Variants in ARL14EPL observed in about 807,000 individuals in gnomAD.
The protein encoded by ARL14EPL is ARF like GTPase 14 effector protein like.
Under a neutral mutation model 15.9 loss-of-function variants are expected in ARL14EPL, and 17 were observed. The ratio of observed to expected loss-of-function variants is 1.07; its 90% CI spans 0.73 to 1.60. The LOEUF (loss-of-function observed/expected upper bound fraction) is 1.60. Among genes scored for constraint, ARL14EPL ranks in the 40% most tolerant of loss-of-function variants. The pLI is 0.00. For synonymous variants in ARL14EPL, 78 were observed against 63.8 expected, an observed-to-expected ratio of 1.22 and a Z score of -1.06; for missense variants, 214 against 185.9, an observed-to-expected ratio of 1.15 and a Z score of -0.88.
rs1404403639 is a variant in ARL14EPL at position 116,058,059 on chromosome 5, T to C, written c.237-666T>C. ...CAGAGACAGTCTGGACTCTGGGCTC[T>C]CCTCTGGGACAGAGCATCCCACCTT... On this transcript the variant is annotated intron_variant, in intron 3 of 3. Coordinates refer to ENST00000686077, the MANE Select transcript of ARL14EPL (RefSeq NM_001195581.2). Among the ~76,000 whole-genome samples, 36 of 152,236 alleles carry C rather than the reference T, an allele frequency of 2.4e-4. 1 individual carries two copies. The highest frequency in any genetic ancestry group is 2.4e-3 in the Admixed American group (36 of 15,286).
At chr5:116,038,256 T>C (rs1038375192) in intron 1 of ARL14EPL, among the ~76,000 whole-genome samples, 3 of 152,216 alleles carry the variant, frequency 2.0e-5, no homozygotes, top group African/African-American at 7.2e-5. Flanking sequence ...AAGAGTCATA[T>C]AGATCCTGCC....
intron 2 of ARL14EPL, among the ~76,000 whole-genome samples, chr5:116,053,524 G>C (rs1365207122): frequency 6.6e-6 from 1 of 152,170 alleles, no homozygotes; most frequent in East Asian, 1.9e-4. Context: ...CCGCGTGGAG[G>C]CCAGTCCCGG....
Position 116,054,075 on chromosome 5 carries a change from A to T in ARL14EPL, c.158A>T (p.Asp53Val), listed in dbSNP as rs1749458009. The change falls in exon 3 of 4, where the codon GAC (aspartate) becomes GTC (valine). Residue 53 changes from aspartate (D) to valine (V), a missense_variant. Physicochemically the swap from Asp to Val is radical, Grantham distance 152. Transcript: ENST00000686077. ...CGAAACCCTGGACCACAGGTAGCAG[A>T]CTTTAATCCTGAAACAAGGCAGCAG... The part of the protein sequence containing the change: ...AFRNPGPQVA[D>V]FNPETRQQKK... 6.5e-7 allele frequency: 1 copy of T among 1,535,750 alleles called. No homozygotes were observed. The highest frequency in any genetic ancestry group is 8.7e-7 in the Non-Finnish European group (1 of 1,146,746).
In ARL14EPL at chr5:116,035,084, G is replaced by A. The variant is rs148204991; in HGVS notation, c.-10+2579G>A. Among the ~76,000 whole-genome samples the A allele has an allele frequency of 1.3e-3, 194 of 152,206 alleles. 1 individual carries two copies. Among genetic ancestry groups the A allele is most frequent in the African/African-American group, 4.3e-3 (179 of 41,516 alleles). Reference sequence around the variant, plus strand: ...ATGCTTGCACTTGAGCCTTGGCAAGGCTCTGAATTCAACTTGCATTGTAAT... The same window carrying A: ...ATGCTTGCACTTGAGCCTTGGCAAGACTCTGAATTCAACTTGCATTGTAAT... On this transcript the variant is annotated intron_variant, in intron 1 of 3. Coordinates refer to ENST00000686077, the MANE Select transcript of ARL14EPL (RefSeq NM_001195581.2).
chr5:116,054,269 C>G (rs1275267874), intron 3 of ARL14EPL, 116 bp downstream of exon 3: 62 of 1,173,498 alleles, frequency 5.3e-5, no homozygotes, highest in Non-Finnish European at 6.8e-5. Context: ...AATATCTCCT[C>G]TGAAATATAA....
rs12187271 is a variant in ARL14EPL, at chr5:116,046,094, C to A, written c.-9-5363C>A. Reference sequence around the variant, plus strand: ...ACTCACCTGTCAATTATCTCAGCGACCTATAAATTTAGCAAGTATAGGAAC... The same window carrying A: ...ACTCACCTGTCAATTATCTCAGCGAACTATAAATTTAGCAAGTATAGGAAC... On this transcript the variant is annotated intron_variant, in intron 1 of 3. Coordinates refer to ENST00000686077, the MANE Select transcript of ARL14EPL (RefSeq NM_001195581.2). 1.8e-3 allele frequency among the ~76,000 whole-genome samples: 277 copies of A among 152,178 alleles called. 2 individuals are homozygous for A. The highest frequency in any genetic ancestry group is 6.8e-3 in the Middle Eastern group (2 of 294).
chr5:116,048,665 C>A (rs1326013110), intron 1 of ARL14EPL, among the ~76,000 whole-genome samples: 3 of 152,032 alleles, frequency 2.0e-5, no homozygotes, highest in Non-Finnish European at 4.4e-5. Context: ...AAAACTTTGA[C>A]ATCTACGGCA....
chr5:116,055,939 T>C (rs1749506645), intron 3 of ARL14EPL, among the ~76,000 whole-genome samples: 1 of 152,218 alleles, frequency 6.6e-6, no homozygotes, highest in Admixed American at 6.5e-5. Flanking sequence ...AGAATGATAG[T>C]TTCCAACTTC....
At chr5:116,041,224 A>G (rs569834533) in intron 1 of ARL14EPL, among the ~76,000 whole-genome samples, 5 of 152,120 alleles carry the variant, frequency 3.3e-5, no homozygotes, top group Non-Finnish European at 7.4e-5. Flanking sequence ...TGTCTATTAC[A>G]TTCTATTCTA....
Position 116,059,437 on chromosome 5 carries a change from C to G in ARL14EPL, c.*490C>G, listed in dbSNP as rs1190285731. On this transcript the variant is annotated 3_prime_UTR_variant, in exon 4 of 4. Transcript: ENST00000686077. ...TGACTTTGCACTGTATACCCATAGC[C>G]TCATTTTTTTATTGTTCATGTTTTA... 6.6e-6 allele frequency: 1 copy of G among 152,670 alleles called. No homozygotes were observed. Among genetic ancestry groups the G allele is most frequent in the Admixed American group, 6.5e-5 (1 of 15,362 alleles). 9.5% of individuals were successfully genotyped at this position (152,670 alleles called of 1,614,324 possible). A position where few individuals can be genotyped will look rare whatever the true frequency, so the allele number is the denominator to read the frequency against.
At chr5:116,057,275 G>A (rs189382145) in intron 3 of ARL14EPL, among the ~76,000 whole-genome samples, 1 of 152,276 alleles carries the variant, frequency 6.6e-6, no homozygotes, top group Non-Finnish European at 1.5e-5. Flanking sequence ...GGATGCAATG[G>A]GTGGGGATTG....
At chr5:116,049,075 A>G (rs146468952) in intron 1 of ARL14EPL, among the ~76,000 whole-genome samples, 1 of 152,314 alleles carries the variant, frequency 6.6e-6, no homozygotes, top group African/African-American at 2.4e-5. Context: ...ATCAAGGAGC[A>G]TGCTTTCACA....
chr5:116,040,051 G>A (rs151159576), intron 1 of ARL14EPL, among the ~76,000 whole-genome samples: 1 of 152,110 alleles, frequency 6.6e-6, no homozygotes, highest in African/African-American at 2.4e-5. Context: ...TTAAGTTGCT[G>A]CCAAACTTTT....
intron 1 of ARL14EPL, among the ~76,000 whole-genome samples, chr5:116,036,211 C>G (rs1361187494): frequency 6.6e-6 from 1 of 152,214 alleles, no homozygotes; most frequent in African/African-American, 2.4e-5. Flanking sequence ...GACCCATGCT[C>G]TCTACTGCTA....
At chr5:116,043,449 G>A (rs115450688) in intron 1 of ARL14EPL, among the ~76,000 whole-genome samples, 2 of 151,904 alleles carry the variant, frequency 1.3e-5, no homozygotes, top group Non-Finnish European at 2.9e-5. Flanking sequence ...ATGTCAAAAG[G>A]TCAATAATTT....
chr5:116,051,682 T>C, intron 2 of ARL14EPL, 121 bp downstream of exon 2: 1 of 855,366 alleles, frequency 1.2e-6, no homozygotes, highest in Non-Finnish European at 1.8e-6. Flanking sequence ...GGAGGAGCTC[T>C]GCCGCCCAGG....
chr5:116,048,171 C>T (rs892350667), intron 1 of ARL14EPL, among the ~76,000 whole-genome samples: 1 of 152,186 alleles, frequency 6.6e-6, no homozygotes, highest in Non-Finnish European at 1.5e-5. Context: ...TGTTAGAACA[C>T]TTTATGGGTC....
At chr5:116,056,491 G>T (rs1254948473) in intron 3 of ARL14EPL, among the ~76,000 whole-genome samples, 2 of 152,110 alleles carry the variant, frequency 1.3e-5, no homozygotes, top group African/African-American at 4.8e-5. Context: ...TGTTGATGGG[G>T]TTGTTTGTTT....
intron 3 of ARL14EPL, among the ~76,000 whole-genome samples, chr5:116,055,627 T>TTA (rs1472871510): frequency 2.0e-5 from 3 of 150,630 alleles, no homozygotes; most frequent in South Asian, 2.1e-4. Flanking sequence ...GGAAGTGACT[T>TTA]TATATATATA....
Sources: gnomAD v4.1 joint callset for allele counts (sites outside exome capture counted in the v4.1 genomes callset) on GRCh38, gnomAD v4.1.1 for gene constraint, MANE v1.5 for transcripts, NCBI Gene and HGNC (gene_info 2026-07-23, HGNC 2026-07-21) for gene names.